PDE1A: variants seen among roughly 807,000 people sequenced by gnomAD.
The protein encoded by PDE1A is dual specificity calcium/calmodulin-dependent 3',5'-cyclic nucleotide phosphodiesterase 1A.
Under a neutral mutation model 61.7 loss-of-function variants are expected in PDE1A, and 35 were observed. The ratio of observed to expected loss-of-function variants is 0.57; its 90% CI spans 0.43 to 0.75. PDE1A has a LOEUF of 0.75. Ranked by LOEUF, PDE1A falls within the 30% of genes least tolerant of loss-of-function variation. The pLI, the probability that PDE1A is intolerant of heterozygous loss-of-function variation, is 0.00. For synonymous variants in PDE1A, 232 were observed against 213.2 expected, an observed-to-expected ratio of 1.09 and a Z score of -0.77; for missense variants, 597 against 630.6, an observed-to-expected ratio of 0.95 and a Z score of 0.57.
At chr2:182,449,141 G>C (rs1225560714) in intron 2 of PDE1A, among the ~76,000 whole-genome samples, 1 of 150,446 alleles carries the variant, frequency 6.6e-6, no homozygotes, top group Non-Finnish European at 1.5e-5. Flanking sequence ...GTCAAACCTT[G>C]TAATAAACCT....
At chr2:182,525,974 A>T (rs563119450), upstream of PDE1A, among the ~76,000 whole-genome samples, 2 of 152,302 alleles carry the variant, frequency 1.3e-5, no homozygotes, top group South Asian at 4.1e-4. Flanking sequence ...GGAAAATCAT[A>T]AACAAAATCC....
the PDE1A span, among the ~76,000 whole-genome samples, chr2:182,581,350 ACT>A: frequency 6.6e-6 from 1 of 152,034 alleles, no homozygotes; most frequent in African/African-American, 2.4e-5. Context: ...CCTCATGGAG[ACT>A]CTCTCTTGCC....
At chr2:182,480,756 G>T (rs1449288406) in intron 2 of PDE1A, among the ~76,000 whole-genome samples, 2 of 151,982 alleles carry the variant, frequency 1.3e-5, no homozygotes, top group East Asian at 3.9e-4. Flanking sequence ...GATAATGAGG[G>T]ATGACTGTAC....
At chr2:182,444,912 C>T (rs1263291363) in intron 2 of PDE1A, among the ~76,000 whole-genome samples, 1 of 151,970 alleles carries the variant, frequency 6.6e-6, no homozygotes, top group Admixed American at 6.6e-5. Context: ...ATAGCTAATC[C>T]TCTGTGGTTT....
chr2:182,164,305 C>G (rs555704816), downstream of PDE1A, among the ~76,000 whole-genome samples: 13 of 152,198 alleles, frequency 8.5e-5, no homozygotes, highest in Admixed American at 7.9e-4. Context: ...TGGGGAGTTC[C>G]CTACAATCAG....
At chr2:182,564,926 GTATTGGT>G in the PDE1A span, among the ~76,000 whole-genome samples, 5 of 152,076 alleles carry the variant, frequency 3.3e-5, no homozygotes, top group African/African-American at 1.2e-4. Context: ...GCACTTCTCT[GTATTGGT>G]TATTCTAGTT....
chr2:182,163,427 T>C (rs1381030439), downstream of PDE1A, among the ~76,000 whole-genome samples: 3 of 152,268 alleles, frequency 2.0e-5, no homozygotes, highest in East Asian at 5.8e-4. Flanking sequence ...TTCCACAAGC[T>C]ATCACCCTGT....
the PDE1A span, among the ~76,000 whole-genome samples, chr2:182,699,369 C>G: frequency 1.3e-5 from 2 of 152,292 alleles, no homozygotes; most frequent in African/African-American, 4.8e-5. Context: ...ATTTCAGAAC[C>G]AAATTTTTCT....
chr2:182,521,108 G>C (rs974184883), intron 2 of PDE1A, among the ~76,000 whole-genome samples: 1 of 151,862 alleles, frequency 6.6e-6, no homozygotes, highest in African/African-American at 2.4e-5. Context: ...CAAGAAGTAA[G>C]AAAATATACA....
chr2:182,520,906 A>T (rs1690524343), intron 2 of PDE1A, among the ~76,000 whole-genome samples: 1 of 151,970 alleles, frequency 6.6e-6, no homozygotes, highest in Non-Finnish European at 1.5e-5. Flanking sequence ...CTTTGATAGG[A>T]TTACTTGTTC....
At chr2:182,656,303 T>G in the PDE1A span, among the ~76,000 whole-genome samples, 1 of 152,338 alleles carries the variant, frequency 6.6e-6, no homozygotes, top group East Asian at 1.9e-4. Flanking sequence ...TTGATAGTAA[T>G]GAAAATAACA....
chr2:182,432,585 G>A (rs975066906), intron 2 of PDE1A, among the ~76,000 whole-genome samples: 7 of 152,036 alleles, frequency 4.6e-5, no homozygotes, highest in African/African-American at 1.7e-4. Flanking sequence ...TTAAGTGAAT[G>A]AATACATGAA....
chr2:182,183,536 C>A (rs944751111), intron 13 of PDE1A, among the ~76,000 whole-genome samples: 3 of 152,176 alleles, frequency 2.0e-5, no homozygotes, highest in African/African-American at 7.2e-5. Flanking sequence ...AATGGTGAAT[C>A]CACTTAGACT....
At chr2:182,341,217 A>G (rs1378176898) in intron 1 of PDE1A, among the ~76,000 whole-genome samples, 2 of 152,206 alleles carry the variant, frequency 1.3e-5, no homozygotes, top group Non-Finnish European at 2.9e-5. Flanking sequence ...TAAGGAGAGA[A>G]GCAAAATTCA....
chr2:182,550,727 G>A, the PDE1A span, among the ~76,000 whole-genome samples: 1 of 152,134 alleles, frequency 6.6e-6, no homozygotes, highest in Admixed American at 6.6e-5. Flanking sequence ...AAAGATCAAT[G>A]AGTGTGTTTG....
chr2:182,276,558 A>AC (rs1376445472), intron 1 of PDE1A, among the ~76,000 whole-genome samples: 1 of 152,018 alleles, frequency 6.6e-6, no homozygotes, highest in Non-Finnish European at 1.5e-5. Flanking sequence ...CAGGACCACT[A>AC]TTGTACAAAT....
the PDE1A span, among the ~76,000 whole-genome samples, chr2:182,577,471 C>A: frequency 6.6e-6 from 1 of 152,156 alleles, no homozygotes; most frequent in Non-Finnish European, 1.5e-5. Flanking sequence ...ATATTGTATT[C>A]TTTGACATGT....
chr2:182,176,003 G>A (rs1295471062), intron 13 of PDE1A, among the ~76,000 whole-genome samples: 11 of 147,730 alleles, frequency 7.4e-5, no homozygotes, highest in African/African-American at 2.4e-4. Context: ...GTAGATATGC[G>A]GCGTTATTTC....
intron 1 of PDE1A, among the ~76,000 whole-genome samples, chr2:182,320,635 T>C (rs1393449635): frequency 6.6e-6 from 1 of 152,202 alleles, no homozygotes; most frequent in Non-Finnish European, 1.5e-5. Flanking sequence ...CAGGACTCAA[T>C]ACAACCAGCT....
Sources: allele counts gnomAD v4.1 joint callset (sites outside exome capture counted in the v4.1 genomes callset), GRCh38; gene constraint gnomAD v4.1.1; transcripts MANE v1.5; gene names NCBI Gene and HGNC (gene_info 2026-07-23, HGNC 2026-07-21).